SV2C: variants seen among roughly 807,000 people sequenced by gnomAD.
SV2C encodes the protein solute carrier family 22 member B3.
In SV2C, 49 loss-of-function variants were observed where a neutral mutation model predicts 79.7. That is an observed-to-expected ratio of 0.61 (90% CI 0.49 to 0.78). The LOEUF (loss-of-function observed/expected upper bound fraction) is 0.78, where lower values mean the gene tolerates loss of function less well. Among genes scored for constraint, SV2C ranks in the 30% least tolerant of loss-of-function variants. The pLI is 0.00. For synonymous variants in SV2C, 334 were observed against 333.2 expected, an observed-to-expected ratio of 1.00 and a Z score of -0.03; for missense variants, 833 against 912.9, an observed-to-expected ratio of 0.91 and a Z score of 1.13.
At chr5:76,309,404 T>A (rs1395692218) in intron 12 of SV2C, among the ~76,000 whole-genome samples, 7 of 151,740 alleles carry the variant, frequency 4.6e-5, no homozygotes, top group African/African-American at 1.7e-4. Context: ...ATCGAGACCA[T>A]CCTGGCTAAC....
intron 4 of SV2C, among the ~76,000 whole-genome samples, chr5:76,284,872 A>G (rs1013892841): frequency 6.6e-6 from 1 of 152,228 alleles, no homozygotes; most frequent in South Asian, 2.1e-4. Flanking sequence ...ACAGTGGTCT[A>G]TTGGAAAAAG....
chr5:76,045,503 C>A, the SV2C span, among the ~76,000 whole-genome samples: 1 of 152,254 alleles, frequency 6.6e-6, no homozygotes, highest in South Asian at 2.1e-4. Flanking sequence ...TTACCTTGGG[C>A]AGTGTGATCA....
At position 76,327,029 on chromosome 5, in the gene SV2C, A is replaced by T. The variant is rs911025884; in HGVS notation, c.*1482A>T. Reference sequence around the variant, plus strand: ...CGATAGAGGTTTATTCTTGTTACTTATTATAGGCATTTTCAGGCAAGCCAT... The same window carrying T: ...CGATAGAGGTTTATTCTTGTTACTTTTTATAGGCATTTTCAGGCAAGCCAT... On this transcript the variant is annotated 3_prime_UTR_variant, in exon 13 of 13. Transcript: ENST00000502798. The T allele has an allele frequency of 1.3e-5, 2 of 148,360 alleles. No individual in the cohort carries two copies. The highest frequency in any genetic ancestry group is 2.9e-5 in the Non-Finnish European group (2 of 67,994). 9.2% of individuals were successfully genotyped at this position (148,360 alleles called of 1,614,324 possible).
chr5:75,995,104 T>C, the SV2C span, among the ~76,000 whole-genome samples: 1 of 152,018 alleles, frequency 6.6e-6, no homozygotes, highest in African/African-American at 2.4e-5. Context: ...ATTTAGGCCC[T>C]CAAAGGATTG....
the SV2C span, among the ~76,000 whole-genome samples, chr5:75,949,337 C>A: frequency 2.6e-5 from 4 of 151,894 alleles, no homozygotes; most frequent in Non-Finnish European, 5.9e-5. Context: ...ACTTAGGGAC[C>A]CATTGGTGGG....
At chr5:76,230,809 A>G (rs1404646254) in intron 4 of SV2C, among the ~76,000 whole-genome samples, 5 of 151,840 alleles carry the variant, frequency 3.3e-5, no homozygotes, top group Admixed American at 6.6e-5. Flanking sequence ...AAAAGAAAAG[A>G]AAAGAAAGAA....
the SV2C span, among the ~76,000 whole-genome samples, chr5:75,934,995 A>G: frequency 6.6e-6 from 1 of 152,076 alleles, no homozygotes; most frequent in African/African-American, 2.4e-5. Flanking sequence ...ATATATAGAA[A>G]TGCTACCAAT....
At chr5:76,167,616 A>G (rs1240301255) in intron 2 of SV2C, among the ~76,000 whole-genome samples, 1 of 152,234 alleles carries the variant, frequency 6.6e-6, no homozygotes, top group Non-Finnish European at 1.5e-5. Flanking sequence ...TGAGAACTCT[A>G]TGAAGAAAGG....
At chr5:76,010,562 T>C in the SV2C span, among the ~76,000 whole-genome samples, 5 of 152,236 alleles carry the variant, frequency 3.3e-5, no homozygotes, top group Non-Finnish European at 7.4e-5. Context: ...CCCTGTAATG[T>C]GCCGATCAAC....
chr5:75,909,764 C>T, the SV2C span, among the ~76,000 whole-genome samples: 2,525 of 152,252 alleles, frequency 0.017, 64 homozygotes, highest in African/African-American at 0.057. Flanking sequence ...ACCTATCTTT[C>T]ATCTCTTTCA....
intron 1 of SV2C, among the ~76,000 whole-genome samples, chr5:76,097,345 G>A (rs2112110555): frequency 1.3e-5 from 2 of 152,280 alleles, no homozygotes; most frequent in Middle Eastern, 3.4e-3. Context: ...ATTTTGTTGT[G>A]TTTAAAGTCT....
intron 4 of SV2C, among the ~76,000 whole-genome samples, chr5:76,271,373 C>G (rs1218964334): frequency 4.0e-5 from 6 of 151,886 alleles, no homozygotes; most frequent in Non-Finnish European, 7.4e-5. Flanking sequence ...TTGGGACTAC[C>G]CACAAAAAAC....
At chr5:75,886,762 G>T in the SV2C span, among the ~76,000 whole-genome samples, 1 of 152,062 alleles carries the variant, frequency 6.6e-6, no homozygotes, top group Non-Finnish European at 1.5e-5. Flanking sequence ...GGGCGGTGGG[G>T]TGGTTCTCTT....
chr5:76,259,808 A>G (rs1228495250), intron 4 of SV2C, among the ~76,000 whole-genome samples: 2 of 152,164 alleles, frequency 1.3e-5, no homozygotes, highest in African/African-American at 4.8e-5. Context: ...ATAGTATTCC[A>G]TGGTGTATAT....
chr5:76,010,173 C>T, the SV2C span, among the ~76,000 whole-genome samples: 83 of 152,062 alleles, frequency 5.5e-4, no homozygotes, highest in Non-Finnish European at 9.4e-4. Flanking sequence ...CAGAAAGACA[C>T]AGTTGCAGTC....
At chr5:75,959,589 A>G in the SV2C span, among the ~76,000 whole-genome samples, 1 of 152,016 alleles carries the variant, frequency 6.6e-6, no homozygotes, top group Admixed American at 6.6e-5. Context: ...CATATATGCA[A>G]ACACATCAGC....
At chr5:76,310,826 G>C (rs1748412432) in intron 12 of SV2C, among the ~76,000 whole-genome samples, 1 of 152,142 alleles carries the variant, frequency 6.6e-6, no homozygotes, top group South Asian at 2.1e-4. Context: ...CACAGATCTG[G>C]ACTAAGAAAT....
At chr5:75,911,745 G>T in the SV2C span, 16 of 625,954 alleles carry the variant, frequency 2.6e-5, no homozygotes, top group South Asian at 2.0e-4. Context: ...AGGATAATAA[G>T]CTTGTCTTAG....
upstream of SV2C, chr5:76,079,580 G>T (rs1018806342): frequency 3.1e-6 from 1 of 326,128 alleles, no homozygotes; most frequent in Admixed American, 3.6e-5. Context: ...ATGAATGAAT[G>T]TATTGAAACA....
Sources: allele counts gnomAD v4.1 joint callset (sites outside exome capture counted in the v4.1 genomes callset), GRCh38; gene constraint gnomAD v4.1.1; transcripts MANE v1.5; gene names NCBI Gene and HGNC (gene_info 2026-07-23, HGNC 2026-07-21).